Variants in ARHGAP6 observed in about 807,000 individuals in gnomAD.
The protein encoded by ARHGAP6 is Rho GTPase activating protein 6.
Under a neutral mutation model 55.7 loss-of-function variants are expected in ARHGAP6, and 16 were observed. The observed-to-expected ratio is 0.29, with a 90% confidence interval of 0.19 to 0.44. The LOEUF (loss-of-function observed/expected upper bound fraction) is 0.44, where lower values mean the gene tolerates loss of function less well. Among genes scored for constraint, ARHGAP6 ranks in the 20% least tolerant of loss-of-function variants. The probability of loss-of-function intolerance (pLI) is 1.00; values close to 1 mark genes in which losing one functional copy is unlikely to be tolerated. For synonymous variants in ARHGAP6, 382 were observed against 360.9 expected (o/e 1.06, Z -0.66); for missense variants, 698 against 808.9 (o/e 0.86, Z 1.66).
chrX:11,474,356 C>T (rs2050382120), intron 1 of ARHGAP6, among the ~76,000 whole-genome samples: 2 of 111,954 alleles, frequency 1.8e-5, no homozygotes, highest in South Asian at 7.5e-4. Flanking sequence ...TTCTTGTTTA[C>T]ATCCACCTCC....
At chrX:11,406,884 T>G (rs1453763098) in intron 1 of ARHGAP6, among the ~76,000 whole-genome samples, 2 of 109,625 alleles carry the variant, frequency 1.8e-5, no homozygotes, top group Non-Finnish European at 3.8e-5. Flanking sequence ...TTTTTTTTTT[T>G]AATAAGTAAA....
At chrX:11,225,823 G>C in intron 2 of ARHGAP6, 1 of 294,701 alleles carries the variant, frequency 3.4e-6, no homozygotes, top group South Asian at 9.8e-5. Flanking sequence ...ATAGAAGACA[G>C]TCTGCTTGTT....
At chrX:11,440,500 C>T (rs1314508275) in intron 1 of ARHGAP6, among the ~76,000 whole-genome samples, 3 of 111,756 alleles carry the variant, frequency 2.7e-5, no homozygotes, top group African/African-American at 9.8e-5. Context: ...GCTCTACTTC[C>T]TCTGTCACCT....
At chrX:11,156,407 G>C (rs996998688) in intron 10 of ARHGAP6, 122 bp downstream of exon 10, 6 of 560,889 alleles carry the variant, frequency 1.1e-5, no homozygotes, top group African/African-American at 7.0e-5. Flanking sequence ...AATTGCCAAA[G>C]AGTTGCCAAA....
chrX:11,150,473 T>A (rs1260115532), intron 10 of ARHGAP6, among the ~76,000 whole-genome samples: 1 of 111,428 alleles, frequency 9.0e-6, no homozygotes, highest in Non-Finnish European at 1.9e-5. Context: ...AATTGAAAAA[T>A]TGAAAAGAAG....
At chrX:11,180,156 C>A (rs189048922) in intron 6 of ARHGAP6, among the ~76,000 whole-genome samples, 122 of 111,228 alleles carry the variant, frequency 1.1e-3, no homozygotes, top group African/African-American at 3.8e-3. Flanking sequence ...GGATTCCCTG[C>A]CTTAATCATT....
chrX:11,503,101 G>C (rs1279153770), intron 1 of ARHGAP6, among the ~76,000 whole-genome samples: 2 of 110,421 alleles, frequency 1.8e-5, no homozygotes, highest in Middle Eastern at 4.2e-3. Flanking sequence ...TCACCATATT[G>C]GCCAGGCTGG....
At chrX:11,169,756 T>A (rs1466688829) in intron 8 of ARHGAP6, 72 bp from the exon 9 acceptor site, 1 of 868,116 alleles carries the variant, frequency 1.2e-6, no homozygotes, top group African/African-American at 2.1e-5. Flanking sequence ...CAACAATCAA[T>A]GAAACCTTTT....
At chrX:11,316,540 A>G (rs2048361428) in intron 1 of ARHGAP6, among the ~76,000 whole-genome samples, 1 of 112,740 alleles carries the variant, frequency 8.9e-6, no homozygotes, top group Non-Finnish European at 1.9e-5. Context: ...CATTACCTAC[A>G]TAGCTGTCAC....
At chrX:11,294,982 T>G in intron 1 of ARHGAP6, 2 of 693,785 alleles carry the variant, frequency 2.9e-6, no homozygotes, top group Non-Finnish European at 4.5e-6. Context: ...GAAGAAACAC[T>G]TCAGGAGCTT....
At chrX:11,141,023 T>G (rs568415264) in intron 12 of ARHGAP6, among the ~76,000 whole-genome samples, 35 of 110,765 alleles carry the variant, frequency 3.2e-4, no homozygotes, top group Middle Eastern at 4.7e-3. Context: ...GAAAATGGAG[T>G]AAGGCTCTTC....
chrX:11,332,370 GCAAA>G (rs2048573598), intron 1 of ARHGAP6, among the ~76,000 whole-genome samples: 1 of 111,738 alleles, frequency 8.9e-6, no homozygotes, highest in Admixed American at 9.5e-5. Context: ...TTTTCTTGAT[GCAAA>G]CAAACACAAA....
chrX:11,170,381 A>G (rs1261848943), intron 8 of ARHGAP6, among the ~76,000 whole-genome samples: 1 of 112,090 alleles, frequency 8.9e-6, no homozygotes, highest in Non-Finnish European at 1.9e-5. Flanking sequence ...AGAAACATCT[A>G]AAATACGTCA....
chrX:11,367,239 A>G (rs1046417499), intron 1 of ARHGAP6, among the ~76,000 whole-genome samples: 2 of 112,130 alleles, frequency 1.8e-5, no homozygotes, highest in Non-Finnish European at 3.8e-5. Flanking sequence ...CTTTGAGTGT[A>G]AACTATTCTT....
chrX:11,234,255 C>T (rs1289824735), intron 2 of ARHGAP6, among the ~76,000 whole-genome samples: 2 of 112,306 alleles, frequency 1.8e-5, no homozygotes, highest in African/African-American at 6.5e-5. Context: ...TGTCCTCAGA[C>T]CCAGTGTAGG....
At chrX:11,190,487 A>G (rs2046442567) in intron 3 of ARHGAP6, among the ~76,000 whole-genome samples, 1 of 100,224 alleles carries the variant, frequency 1.0e-5, no homozygotes, top group African/African-American at 3.6e-5. Flanking sequence ...ATATACATAT[A>G]TCTATATAGA....
intron 1 of ARHGAP6, among the ~76,000 whole-genome samples, chrX:11,430,100 C>T (rs1319049422): frequency 2.7e-5 from 3 of 112,252 alleles, no homozygotes; most frequent in Non-Finnish European, 5.6e-5. Flanking sequence ...TTAAACAACA[C>T]AAGGTGGATC....
chrX:11,634,619 C>T lies in ARHGAP6; in HGVS notation c.588+29622G>A, dbSNP rs150170302. Among the ~76,000 whole-genome samples the T allele has an allele frequency of 6.6e-3, 731 of 111,243 alleles. 3 individuals carry two copies. The highest frequency in any genetic ancestry group is 0.023 in the African/African-American group (694 of 30,658). ...TAAGAATAATTAAAATTTGGCATAT[C>T]CTTACTATGTGATTCTTTTCCACCT... On this transcript the variant is annotated intron_variant, in intron 1 of 12. Coordinates refer to ENST00000337414, the MANE Select transcript of ARHGAP6 (RefSeq NM_013427.3).
chrX:11,566,746 AACCATGTACAAGACAAAGT>A (rs934585110), intron 1 of ARHGAP6, among the ~76,000 whole-genome samples: 2 of 112,230 alleles, frequency 1.8e-5, no homozygotes, highest in African/African-American at 6.5e-5. Flanking sequence ...TATTATGCAA[AACCATGTACAAGACAAAGT>A]AAGTTAAGGC....
Sources: gnomAD v4.1 joint callset for allele counts (sites outside exome capture counted in the v4.1 genomes callset) on GRCh38, gnomAD v4.1.1 for gene constraint, MANE v1.5 for transcripts, NCBI Gene and HGNC (gene_info 2026-07-23, HGNC 2026-07-21) for gene names.